CASP6: variants seen among roughly 807,000 people sequenced by gnomAD.
CASP6 encodes caspase-6.
Under a neutral mutation model 31.8 loss-of-function variants are expected in CASP6, and 20 were observed. That is an observed-to-expected ratio of 0.63 (90% CI 0.44 to 0.91). The LOEUF (loss-of-function observed/expected upper bound fraction) is 0.91. Among genes scored for constraint, CASP6 ranks in the 40% least tolerant of loss-of-function variants. The pLI, the probability that CASP6 is intolerant of heterozygous loss-of-function variation, is 0.00. For missense variants in CASP6, 328 were observed against 361.1 expected, an observed-to-expected ratio of 0.91 and a Z score of 0.74; for synonymous variants, 130 against 127.8, an observed-to-expected ratio of 1.02 and a Z score of -0.12.
At chr4:109,702,118 A>G (rs1469620785) in intron 1 of CASP6, among the ~76,000 whole-genome samples, 1 of 152,164 alleles carries the variant, frequency 6.6e-6, no homozygotes, top group African/African-American at 2.4e-5. Flanking sequence ...AGAGGAAGGG[A>G]GCAGGTGAGT....
downstream of CASP6, chr4:109,685,124 T>A: frequency 1.7e-6 from 1 of 589,986 alleles, no homozygotes; most frequent in Non-Finnish European, 3.0e-6. Flanking sequence ...CTCATGGCCA[T>A]TGCAAATATT....
chr4:109,696,219 A>G (rs757951334), intron 4 of CASP6, among the ~76,000 whole-genome samples, 191 bp downstream of exon 4: 1 of 152,254 alleles, frequency 6.6e-6, no homozygotes, highest in Non-Finnish European at 1.5e-5. Flanking sequence ...CTTTAGAGGC[A>G]TAATTATTTG....
Position 109,697,702 on chromosome 4 carries a change from GA to G in CASP6, c.149del (p.Phe50SerfsTer10). The G allele has an allele frequency of 1.9e-6, 3 of 1,614,026 alleles. No homozygotes were observed. The highest frequency in any genetic ancestry group is 2.5e-6 in the Non-Finnish European group (3 of 1,179,944). On this transcript the variant is annotated frameshift_variant, in exon 3 of 7. Transcript: ENST00000265164. LOFTEE classifies it high-confidence loss of function. ...DHRRRGIALI[F>X]NHERFFWHLT... ...AGTGCCAAAAGAACCTCTCATGATT[GA>G]AGATTAAAGCAATTCCTCTCCTCCT...
the CASP6 span, among the ~76,000 whole-genome samples, chr4:109,668,519 A>G: frequency 2.0e-5 from 3 of 151,984 alleles, no homozygotes; most frequent in African/African-American, 7.2e-5. Flanking sequence ...TTTCATCTAT[A>G]TATGTCTTCA....
At chr4:109,706,233 A>T (rs1429534895), upstream of CASP6, among the ~76,000 whole-genome samples, 1 of 142,652 alleles carries the variant, frequency 7.0e-6, no homozygotes. Flanking sequence ...TCTCCACATT[A>T]ACAGGAGTTT....
the CASP6 span, chr4:109,664,449 C>G: frequency 1.0e-5 from 7 of 668,674 alleles, no homozygotes; most frequent in Admixed American, 2.7e-5. Context: ...TAGATGAATT[C>G]TCACTTGCTC....
intron 1 of CASP6, among the ~76,000 whole-genome samples, chr4:109,701,051 G>A (rs990141690): frequency 2.6e-5 from 4 of 152,082 alleles, no homozygotes; most frequent in African/African-American, 7.2e-5. Flanking sequence ...CTCCGCCTCC[G>A]GGTTCAAGCG....
At chr4:109,677,549 G>A in the CASP6 span, among the ~76,000 whole-genome samples, 1 of 152,198 alleles carries the variant, frequency 6.6e-6, no homozygotes, top group Admixed American at 6.5e-5. Context: ...CTGTTGGGAA[G>A]TGGGACATTT....
rs1330705873 is a variant in CASP6, at chr4:109,689,353, G to A, written c.859C>T (p.His287Tyr). Residue 287 changes from histidine to tyrosine, a missense_variant, in exon 7 of 7, where the codon CAT becomes TAT. Coordinates refer to ENST00000265164, the MANE Select transcript of CASP6 (RefSeq NM_001226.4). ...AATTAATTAGATTTTGGAAAGAAAT[G>A]CAGCTTTTTAGTTAGCATTGAGGCA... ...CFASMLTKKL[H>Y]FFPKSN 15 of 1,613,994 alleles carry A rather than the reference G, an allele frequency of 9.3e-6. No homozygotes were observed. The highest frequency in any genetic ancestry group is 1.3e-5 in the African/African-American group (1 of 75,028).
downstream of CASP6, chr4:109,684,589 C>A: frequency 6.2e-7 from 1 of 1,600,702 alleles, no homozygotes; most frequent in Non-Finnish European, 8.6e-7. Flanking sequence ...CAGTTACATA[C>A]TTCATCACAT....
upstream of CASP6, among the ~76,000 whole-genome samples, chr4:109,705,991 AAAAAAAAAAAATATATATATAT>A (rs1324548821): frequency 2.9e-5 from 2 of 68,730 alleles, no homozygotes; most frequent in African/African-American, 7.8e-5. Flanking sequence ...AAAAAAAAAA[AAAAAAAAAAAATATATATATAT>A]ATATATATAT....
the CASP6 span, among the ~76,000 whole-genome samples, chr4:109,678,189 C>T: frequency 6.6e-6 from 1 of 152,084 alleles, no homozygotes; most frequent in Non-Finnish European, 1.5e-5. Context: ...TAGTACAGAA[C>T]AAAATGGAGT....
At chr4:109,687,464 G>A, downstream of CASP6, 1 of 1,235,720 alleles carries the variant, frequency 8.1e-7, no homozygotes, top group Non-Finnish European at 1.2e-6. Context: ...CAGTAATGTT[G>A]GTATGTTTCT....
At chr4:109,706,001 A>AATATATATATATATATATAT (rs58700813), upstream of CASP6, among the ~76,000 whole-genome samples, 12 of 31,668 alleles carry the variant, frequency 3.8e-4, no homozygotes, top group Admixed American at 1.3e-3. Context: ...AAAAAAAAAA[A>AATATATATATATATATATAT]ATATATATAT....
downstream of CASP6, among the ~76,000 whole-genome samples, chr4:109,686,537 A>G (rs1729841399): frequency 6.6e-6 from 1 of 152,212 alleles, no homozygotes; most frequent in Admixed American, 6.5e-5. Flanking sequence ...TATTTGAATA[A>G]TCCTATCTGA....
chr4:109,709,356 C>T, the CASP6 span, among the ~76,000 whole-genome samples: 1 of 152,154 alleles, frequency 6.6e-6, no homozygotes, highest in East Asian at 1.9e-4. Context: ...TGGAATCCTA[C>T]CAAGCACTCT....
At chr4:109,673,041 C>T in the CASP6 span, among the ~76,000 whole-genome samples, 2 of 152,184 alleles carry the variant, frequency 1.3e-5, no homozygotes, top group Non-Finnish European at 2.9e-5. Flanking sequence ...ATGAATCACT[C>T]ATTTCAACAC....
At chr4:109,681,821 A>G in the CASP6 span, among the ~76,000 whole-genome samples, 1 of 152,260 alleles carries the variant, frequency 6.6e-6, no homozygotes, top group Non-Finnish European at 1.5e-5. Context: ...AGTGGTGGAC[A>G]GTGAGCGAAA....
chr4:109,674,428 A>G, the CASP6 span, among the ~76,000 whole-genome samples: 4 of 152,208 alleles, frequency 2.6e-5, no homozygotes, highest in Admixed American at 6.5e-5. Context: ...AAAGAAGATA[A>G]CAGGCCAATC....
Sources: allele counts gnomAD v4.1 joint callset (sites outside exome capture counted in the v4.1 genomes callset), GRCh38; gene constraint gnomAD v4.1.1; transcripts MANE v1.5; gene names NCBI Gene and HGNC (gene_info 2026-07-23, HGNC 2026-07-21).